ITPK1: variants seen among roughly 807,000 people sequenced by gnomAD.
ITPK1 encodes inositol 1,3,4-trisphosphate 5/6-kinase.
ITPK1 carries 21 observed loss-of-function variants against 45.3 expected under a neutral mutation model. That is an observed-to-expected ratio of 0.46 (90% CI 0.33 to 0.67). The LOEUF (loss-of-function observed/expected upper bound fraction) is 0.67, where lower values mean the gene tolerates loss of function less well. Ranked by LOEUF, ITPK1 falls within the 30% of genes least tolerant of loss-of-function variation. The probability of loss-of-function intolerance (pLI) is 0.02; values close to 1 mark genes in which losing one functional copy is unlikely to be tolerated. For missense variants in ITPK1, 474 were observed against 573.5 expected (o/e 0.83, Z 1.77); for synonymous variants, 258 against 253.6 (o/e 1.02, Z -0.16).
rs897775244 is a variant in ITPK1, at chr14:93,036,588, C to A, written c.121-19787G>T. Reference sequence around the variant, plus strand: ...CCTAACCCCCAGCCACTCTCCCCGGCGTTCTGTGGCCCACACCCCTCATGA... The same window carrying A: ...CCTAACCCCCAGCCACTCTCCCCGGAGTTCTGTGGCCCACACCCCTCATGA... On this transcript the variant is annotated intron_variant, in intron 3 of 10. Transcript: ENST00000267615. The surrounding 1 kb of genome is among the most constrained non-coding windows in gnomAD (Gnocchi z 4.1). Among the ~76,000 whole-genome samples the A allele has an allele frequency of 1.3e-5, 2 of 151,594 alleles. No homozygotes were observed. Among genetic ancestry groups the A allele is most frequent in the Non-Finnish European group, 2.9e-5 (2 of 67,874 alleles).
intron 3 of ITPK1, among the ~76,000 whole-genome samples, chr14:93,040,322 C>T (rs1196562704): frequency 6.6e-6 from 1 of 152,148 alleles, no homozygotes; most frequent in Admixed American, 6.5e-5. Context: ...AGCAGGGCCT[C>T]GGCCCAATGT....
chr14:93,078,056 C>T (rs1891299257), intron 2 of ITPK1, among the ~76,000 whole-genome samples: 1 of 152,114 alleles, frequency 6.6e-6, no homozygotes, highest in African/African-American at 2.4e-5. Context: ...ATTATGATGC[C>T]CACCTGGCAC....
At chr14:92,950,808 C>T (rs1887922444) in intron 9 of ITPK1, among the ~76,000 whole-genome samples, 1 of 152,248 alleles carries the variant, frequency 6.6e-6, no homozygotes, top group Admixed American at 6.5e-5. Context: ...CACAGAACAT[C>T]TCATAATATT....
intron 2 of ITPK1, among the ~76,000 whole-genome samples, chr14:93,088,665 AT>A (rs1891749189): frequency 1.3e-5 from 2 of 149,974 alleles, no homozygotes; most frequent in African/African-American, 2.5e-5. Flanking sequence ...CTCTTTTTTT[AT>A]TTTTTGTAGA....
chr14:93,115,423 G>T (rs1892908398), intron 1 of ITPK1, 118 bp from the exon 2 acceptor site: 1 of 149,268 alleles, frequency 6.7e-6, no homozygotes, highest in African/African-American at 2.4e-5. Flanking sequence ...CCCGCCGCCT[G>T]CGGGCTCGCC....
chr14:92,951,503 T>G (rs1887953290), intron 9 of ITPK1, among the ~76,000 whole-genome samples: 1 of 152,178 alleles, frequency 6.6e-6, no homozygotes, highest in South Asian at 2.1e-4. Flanking sequence ...TTACCCATAG[T>G]GCTGGGGGCA....
At chr14:93,023,769 C>T (rs1050408332) in intron 3 of ITPK1, among the ~76,000 whole-genome samples, 10 of 152,098 alleles carry the variant, frequency 6.6e-5, no homozygotes, top group African/African-American at 2.4e-4. Context: ...CTTGTCAGAG[C>T]CCTTAGGAGC....
At chr14:92,948,358 T>C (rs1887783004) in intron 9 of ITPK1, among the ~76,000 whole-genome samples, 1 of 152,226 alleles carries the variant, frequency 6.6e-6, no homozygotes, top group Non-Finnish European at 1.5e-5. Context: ...TTTACCTCAA[T>C]TTTATTTTAT....
intron 5 of ITPK1, among the ~76,000 whole-genome samples, chr14:92,983,140 C>T (rs370827952): frequency 1.1e-4 from 17 of 152,196 alleles, no homozygotes; most frequent in African/African-American, 3.9e-4. Context: ...AGGAGCCAGA[C>T]ACTGGCTCAG....
intron 2 of ITPK1, among the ~76,000 whole-genome samples, chr14:93,113,093 TA>T (rs1482500092): frequency 6.6e-6 from 1 of 152,246 alleles, no homozygotes; most frequent in Non-Finnish European, 1.5e-5. Flanking sequence ...AAAGCTTCCC[TA>T]GTGAAAACAC....
At chr14:92,965,832 C>T (rs377329195) in intron 5 of ITPK1, among the ~76,000 whole-genome samples, 2 of 151,978 alleles carry the variant, frequency 1.3e-5, no homozygotes, top group African/African-American at 2.4e-5. Flanking sequence ...GGAGAAAACC[C>T]GTCTCTACTA....
intron 3 of ITPK1, among the ~76,000 whole-genome samples, chr14:93,043,004 G>A (rs915932072): frequency 6.9e-6 from 1 of 144,622 alleles, no homozygotes; most frequent in Non-Finnish European, 1.5e-5. Context: ...GTGACAGAGC[G>A]AGACTGTCTC....
At chr14:92,959,276 C>T (rs1566697322) in intron 7 of ITPK1, among the ~76,000 whole-genome samples, 1 of 152,212 alleles carries the variant, frequency 6.6e-6, no homozygotes, top group African/African-American at 2.4e-5. Context: ...TGGCTAATCC[C>T]TCAGCCCGCA....
chr14:93,022,322 G>C (rs1384630440), intron 3 of ITPK1, among the ~76,000 whole-genome samples: 4 of 152,296 alleles, frequency 2.6e-5, no homozygotes, highest in East Asian at 1.9e-4. Flanking sequence ...AAGACACAGA[G>C]AGCATGTGTG....
chr14:93,095,734 C>G lies in ITPK1; in HGVS notation c.96-19115G>C, dbSNP rs187324937. ...GTACCCAATGGGTAGTTTTTCAGCC[C>G]TTGCCCCCCTCTCCCATTTCCCCCT... On this transcript the variant is annotated intron_variant, in intron 2 of 10. Transcript: ENST00000267615. 1.5e-3 allele frequency among the ~76,000 whole-genome samples: 229 copies of G among 152,110 alleles called. 1 individual carries two copies. Among genetic ancestry groups the G allele is most frequent in the Middle Eastern group, 6.8e-3 (2 of 294 alleles).
chr14:92,994,191 A>G (rs1301621056), intron 4 of ITPK1, among the ~76,000 whole-genome samples, 194 bp from the exon 5 acceptor site: 3 of 152,238 alleles, frequency 2.0e-5, no homozygotes, highest in Non-Finnish European at 2.9e-5. Flanking sequence ...GACTAGGCCA[A>G]ACTCAGAAAT....
intron 4 of ITPK1, among the ~76,000 whole-genome samples, chr14:93,009,447 TG>T (rs1042506085): frequency 1.9e-4 from 29 of 152,174 alleles, no homozygotes; most frequent in Admixed American, 1.8e-3. Context: ...GCTCTGTTCC[TG>T]GTTGGTAAGA....
At position 93,049,658 on chromosome 14, in the gene ITPK1, G is replaced by A. The variant is rs549999001; in HGVS notation, c.120+26937C>T. On this transcript the variant is annotated intron_variant, in intron 3 of 10. Coordinates refer to ENST00000267615, the MANE Select transcript of ITPK1 (RefSeq NM_014216.6). The stretch of plus-strand genomic sequence containing the variant: ...GCCAGGTGGGGGCTGGACTGAGGGT[G>A]GGAGAGCCCAGAGCTGGGGATGCCA... Among the ~76,000 whole-genome samples, 4 of 151,510 alleles carry A rather than the reference G, an allele frequency of 2.6e-5. No individual in the cohort carries two copies. The South Asian group carries it at 8.3e-4, about 32-fold the overall frequency.
In ITPK1 at chr14:93,077,780, C is replaced by T. The variant is rs80217561; in HGVS notation, c.96-1161G>A. Among the ~76,000 whole-genome samples, 73 of 152,284 alleles carry T rather than the reference C, an allele frequency of 4.8e-4. 1 individual carries two copies. The East Asian group carries it at 7.7e-3, about 16-fold the overall frequency. ...CAGGACGCCTCCTAACCTGGAAGAA[C>T]TTAAGGCTACCACTGTCTCGGCCCT... On this transcript the variant is annotated intron_variant, in intron 2 of 10. Transcript: ENST00000267615.
Sources: gnomAD v4.1 joint callset for allele counts (sites outside exome capture counted in the v4.1 genomes callset) on GRCh38, gnomAD v4.1.1 for gene constraint, Gnocchi (gnomAD v3.1) non-coding constraint, MANE v1.5 for transcripts, NCBI Gene and HGNC (gene_info 2026-07-23, HGNC 2026-07-21) for gene names.